Variants in ZNF536 observed in about 807,000 individuals in gnomAD.
ZNF536 encodes zinc finger protein 536.
In ZNF536, 13 loss-of-function variants were observed where a neutral mutation model predicts 84.5. The observed-to-expected ratio is 0.15, with a 90% CI of 0.10 to 0.24. The LOEUF (loss-of-function observed/expected upper bound fraction) is 0.24. ZNF536 is among the 10% of genes least tolerant of loss of function. The pLI, the probability that ZNF536 is intolerant of heterozygous loss-of-function variation, is 1.00. For missense variants in ZNF536, 1,536 were observed against 1,747.5 expected (o/e 0.88, Z 2.16); for synonymous variants, 811 against 742.5 (o/e 1.09, Z -1.50).
chr19:30,247,076 G>T (rs550733302), intron 1 of ZNF536, among the ~76,000 whole-genome samples: 1 of 152,292 alleles, frequency 6.6e-6, no homozygotes, highest in Non-Finnish European at 1.5e-5. Context: ...TTGCCTCACT[G>T]GTGTCTGCCT....
At position 30,443,727 on chromosome 19, in the gene ZNF536, C is replaced by G. The variant is rs770569548; in HGVS notation, c.165C>G (p.Asn55Lys). ...TCCCCGAGCTCCATCCCCGGCCCAA[C>G]CCCGAGGAGAAGCCCCCCGCATCCC... Reference protein sequence around the residue: ...HAFPELHPRPNPEEKPPASLE... With the variant: ...HAFPELHPRPKPEEKPPASLE... Residue 55 changes from asparagine to lysine, a missense_variant, in exon 2 of 5, where the codon AAC (asparagine) becomes AAG (lysine). Coordinates refer to ENST00000355537, the MANE Select transcript of ZNF536 (RefSeq NM_014717.3). 6.2e-7 allele frequency: 1 copy of G among 1,613,218 alleles called. No homozygotes were observed.
chr19:30,635,068 G>GTGTA (rs397693389), intron 1 of ZNF536, among the ~76,000 whole-genome samples: 1 of 31,684 alleles, frequency 3.2e-5, no homozygotes, highest in African/African-American at 8.7e-5. Flanking sequence ...AGAAAGCTGG[G>GTGTA]TGTGTGTGTG....
chr19:30,389,922 A>T (rs1466814175), intron 1 of ZNF536, among the ~76,000 whole-genome samples: 1 of 152,200 alleles, frequency 6.6e-6, no homozygotes, highest in Non-Finnish European at 1.5e-5. Flanking sequence ...AGAATTAGAG[A>T]GGAAAGAAGG....
intron 1 of ZNF536, among the ~76,000 whole-genome samples, chr19:30,243,220 AT>A (rs1419543413): frequency 6.6e-6 from 1 of 152,028 alleles, no homozygotes; most frequent in Non-Finnish European, 1.5e-5. Flanking sequence ...TTTTTTTCTA[AT>A]TTTATCTGTT....
intron 1 of ZNF536, among the ~76,000 whole-genome samples, chr19:30,399,036 G>A (rs1440817809): frequency 6.6e-6 from 1 of 152,180 alleles, no homozygotes; most frequent in Admixed American, 6.5e-5. Flanking sequence ...CCCACCAACA[G>A]TGTAAAAGCA....
chr19:30,384,613 C>T (rs777925327), intron 1 of ZNF536, among the ~76,000 whole-genome samples: 51 of 151,814 alleles, frequency 3.4e-4, no homozygotes, highest in Non-Finnish European at 8.8e-5. Context: ...CTTCTTCCTG[C>T]ATTGGATGGA....
At position 30,594,674 on chromosome 19, in the gene ZNF536, G is replaced by C. The variant is rs1161371467; in HGVS notation, c.169+45160G>C. ...GCACACCAGGGCACCCCCTGGGTGA[G>C]GGGTCCTGCTCCCCTCCCTGGCTGC... On this transcript the variant is annotated intron_variant, in intron 1 of 1. Transcript: ENST00000592773. Among the ~76,000 whole-genome samples, 3 of 152,040 alleles carry C rather than the reference G, an allele frequency of 2.0e-5. No individual in the cohort carries two copies. The East Asian group carries it at 5.8e-4, about 30-fold the overall frequency.
chr19:30,358,296 A>G (rs1410384725), intron 3 of ZNF536, among the ~76,000 whole-genome samples: 2 of 152,150 alleles, frequency 1.3e-5, no homozygotes, highest in African/African-American at 4.8e-5. Flanking sequence ...CAGAGCCAGA[A>G]CCAGAACCCA....
intron 1 of ZNF536, among the ~76,000 whole-genome samples, chr19:30,617,716 A>AT (rs2048354637): frequency 3.9e-5 from 6 of 151,912 alleles, no homozygotes; most frequent in Admixed American, 3.9e-4. Context: ...ATGCCACACA[A>AT]TTTTTTTAAC....
At chr19:30,366,404 A>G (rs1016975944) in intron 3 of ZNF536, among the ~76,000 whole-genome samples, 17 of 132,300 alleles carry the variant, frequency 1.3e-4, no homozygotes, top group African/African-American at 3.1e-4. Flanking sequence ...ATCTATATCT[A>G]TCTCCTTCCT....
In ZNF536 at chr19:30,614,942, A is replaced by ATTTTTTTTTTTTTTTTTT; in HGVS notation, c.169+65433_169+65450dup. On this transcript the variant is annotated intron_variant, in intron 1 of 1. Transcript: ENST00000592773. ...TTTTCTTTTATTCTCCCCCTTTTCA[A>ATTTTTTTTTTTTTTTTTT]TTTTTTTTTTTTTTTTTTTTTTGAG... Among the ~76,000 whole-genome samples, 78 of 32,296 alleles carry ATTTTTTTTTTTTTTTTTT rather than the reference A, an allele frequency of 2.4e-3. 9 individuals are homozygous for ATTTTTTTTTTTTTTTTTT. Among genetic ancestry groups the ATTTTTTTTTTTTTTTTTT allele is most frequent in the African/African-American group, 5.0e-3 (40 of 8,042 alleles). The allele number at this position is 32,296 out of a possible 152,430, so 21.2% of individuals were successfully genotyped here. A position where few individuals can be genotyped will look rare whatever the true frequency, so the allele number is the denominator to read the frequency against.
chr19:30,482,845 C>T (rs1474360810), intron 2 of ZNF536, among the ~76,000 whole-genome samples: 2 of 152,128 alleles, frequency 1.3e-5, no homozygotes, highest in African/African-American at 4.8e-5. Context: ...TTGCAGGGGA[C>T]CCTCTATTTC....
chr19:30,365,167 T>C (rs2048386700), intron 3 of ZNF536, among the ~76,000 whole-genome samples: 1 of 152,226 alleles, frequency 6.6e-6, no homozygotes, highest in African/African-American at 2.4e-5. Context: ...ATAGAGTTCA[T>C]GCATTTTAAA....
intron 2 of ZNF536, among the ~76,000 whole-genome samples, chr19:30,495,081 A>T (rs930006677): frequency 6.6e-6 from 1 of 152,188 alleles, no homozygotes; most frequent in Admixed American, 6.5e-5. Flanking sequence ...GAGTCAGCAG[A>T]CCCAGGTCTT....
intron 4 of ZNF536, chr19:30,555,993 A>G (rs573608104): frequency 2.9e-4 from 44 of 152,340 alleles, no homozygotes; most frequent in African/African-American, 1.0e-3. Flanking sequence ...TTGCTGCCTT[A>G]CTTTATTCAA....
upstream of ZNF536, among the ~76,000 whole-genome samples, chr19:30,225,687 T>TA (rs535519220): frequency 1.2e-5 from 1 of 84,154 alleles, no homozygotes; most frequent in Non-Finnish European, 2.4e-5. Flanking sequence ...AAAACAAAGG[T>TA]GGGGGGGGGA....
At chr19:30,574,903 G>A (rs2046676582) in intron 1 of ZNF536, among the ~76,000 whole-genome samples, 1 of 152,124 alleles carries the variant, frequency 6.6e-6, no homozygotes, top group South Asian at 2.1e-4. Flanking sequence ...CTAAGGTCTA[G>A]CGTGGCTTGA....
rs10628847 is a variant in ZNF536, at chr19:30,344,440, C to CAAAA, written c.-119-7910_-119-7907dup. On this transcript the variant is annotated intron_variant, in intron 2 of 5. Coordinates refer to the ZNF536 transcript ENST00000585628. Reference sequence around the variant, plus strand: ...GGGCAACAAGAGTGAAACTCCATCTCAAAAAAAAAAAAAAAAAAAAAGACA... The same window carrying CAAAA: ...GGGCAACAAGAGTGAAACTCCATCTCAAAAAAAAAAAAAAAAAAAAAAAAAGACA... 8.7e-4 allele frequency among the ~76,000 whole-genome samples: 60 copies of CAAAA among 69,080 alleles called. 3 individuals are homozygous for CAAAA. Among genetic ancestry groups the CAAAA allele is most frequent in the East Asian group, 2.6e-3 (5 of 1,906 alleles). 45.3% of individuals were successfully genotyped at this position (69,080 alleles called of 152,430 possible).
intron 2 of ZNF536, among the ~76,000 whole-genome samples, chr19:30,330,427 C>T (rs900142118): frequency 2.0e-5 from 3 of 152,136 alleles, no homozygotes; most frequent in African/African-American, 7.2e-5. Flanking sequence ...AGAAACTTTG[C>T]AGTTTTCTGG....
Sources: gnomAD v4.1 joint callset for allele counts (sites outside exome capture counted in the v4.1 genomes callset) on GRCh38, gnomAD v4.1.1 for gene constraint, MANE v1.5 for transcripts, NCBI Gene and HGNC (gene_info 2026-07-23, HGNC 2026-07-21) for gene names.